The following TMEM232 variants were observed in gnomAD, a reference collection of about 807,000 sequenced individuals.
TMEM232 encodes the protein transmembrane protein 232.
In TMEM232, 80 loss-of-function variants were observed where a neutral mutation model predicts 78.8. The observed-to-expected ratio is 1.01, with a 90% CI of 0.85 to 1.22. The LOEUF (loss-of-function observed/expected upper bound fraction) is 1.22, where lower values mean the gene tolerates loss of function less well. Among genes scored for constraint, TMEM232 ranks in the 50% most tolerant of loss-of-function variants. The probability of loss-of-function intolerance (pLI) is 0.00; values close to 1 mark genes in which losing one functional copy is unlikely to be tolerated. For missense variants in TMEM232, 881 were observed against 742.2 expected, an observed-to-expected ratio of 1.19 and a Z score of -2.17; for synonymous variants, 297 against 254.3, an observed-to-expected ratio of 1.17 and a Z score of -1.60.
chr5:110,594,573 C>G (rs1182555752), intron 10 of TMEM232, among the ~76,000 whole-genome samples: 2 of 152,162 alleles, frequency 1.3e-5, no homozygotes, highest in Non-Finnish European at 2.9e-5. Flanking sequence ...ATTCTTGCTG[C>G]CAGCACAGCA....
At chr5:110,463,372 C>G (rs1330553774) in intron 12 of TMEM232, among the ~76,000 whole-genome samples, 1 of 152,136 alleles carries the variant, frequency 6.6e-6, no homozygotes, top group Non-Finnish European at 1.5e-5. Flanking sequence ...GCTTCATAGA[C>G]TACAGTATAG....
At chr5:110,518,368 C>A (rs1769001872) in intron 12 of TMEM232, among the ~76,000 whole-genome samples, 1 of 152,132 alleles carries the variant, frequency 6.6e-6, no homozygotes, top group African/African-American at 2.4e-5. Flanking sequence ...TGGCTCCAGA[C>A]AAATTATTCT....
chr5:110,469,042 A>G (rs887600752), intron 12 of TMEM232, among the ~76,000 whole-genome samples: 2 of 152,204 alleles, frequency 1.3e-5, no homozygotes, highest in Non-Finnish European at 2.9e-5. Flanking sequence ...GGATCCCAGC[A>G]GCCCCAATCA....
intron 1 of TMEM232, among the ~76,000 whole-genome samples, chr5:110,694,485 C>T (rs911691462): frequency 9.2e-5 from 14 of 152,056 alleles, no homozygotes; most frequent in Non-Finnish European, 1.5e-4. Flanking sequence ...GGGCTAAATG[C>T]TACAATTAAA....
At chr5:110,466,006 C>A (rs1255033060) in intron 12 of TMEM232, among the ~76,000 whole-genome samples, 1 of 151,892 alleles carries the variant, frequency 6.6e-6, no homozygotes, top group Non-Finnish European at 1.5e-5. Context: ...TCATGAGCAA[C>A]TGAAAATAGC....
intron 12 of TMEM232, among the ~76,000 whole-genome samples, chr5:110,473,474 T>C (rs1762895775): frequency 6.6e-6 from 1 of 151,870 alleles, no homozygotes; most frequent in Non-Finnish European, 1.5e-5. Flanking sequence ...TTATGCACTG[T>C]TGGTAGGAAT....
intron 12 of TMEM232, among the ~76,000 whole-genome samples, chr5:110,472,997 T>C (rs965823570): frequency 3.3e-5 from 5 of 151,000 alleles, no homozygotes; most frequent in African/African-American, 1.2e-4. Context: ...GTAAATGCTA[T>C]ATAATATTGG....
chr5:110,604,297 A>C (rs1212157990), intron 10 of TMEM232, among the ~76,000 whole-genome samples: 1 of 152,190 alleles, frequency 6.6e-6, no homozygotes, highest in East Asian at 1.9e-4. Context: ...TGGAAAAATC[A>C]AAATGTTTTA....
intron 11 of TMEM232, among the ~76,000 whole-genome samples, chr5:110,533,741 T>C (rs1771900772): frequency 6.6e-6 from 1 of 152,174 alleles, no homozygotes; most frequent in Admixed American, 6.5e-5. Flanking sequence ...TGCATCTCTC[T>C]GATCTCCTGA....
At chr5:110,502,153 G>A (rs1766334610) in intron 12 of TMEM232, among the ~76,000 whole-genome samples, 1 of 152,122 alleles carries the variant, frequency 6.6e-6, no homozygotes, top group African/African-American at 2.4e-5. Context: ...TAGGAATGTT[G>A]TAATTTAAAA....
At chr5:110,391,813 A>G (rs1172207191) in intron 3 of TMEM232, among the ~76,000 whole-genome samples, 1 of 152,220 alleles carries the variant, frequency 6.6e-6, no homozygotes, top group Non-Finnish European at 1.5e-5. Flanking sequence ...CTCCACTTGT[A>G]AAAACAGAAG....
At chr5:110,483,847 G>T (rs902167350) in intron 12 of TMEM232, among the ~76,000 whole-genome samples, 2 of 152,048 alleles carry the variant, frequency 1.3e-5, no homozygotes, top group African/African-American at 2.4e-5. Context: ...CTACCAAAAA[G>T]ACACATGCAC....
intron 1 of TMEM232, among the ~76,000 whole-genome samples, chr5:110,700,829 T>TAG (rs1795364688): frequency 8.6e-6 from 1 of 116,244 alleles, no homozygotes; most frequent in Non-Finnish European, 1.9e-5. Flanking sequence ...TAGATAGATA[T>TAG]AATAGAGAAC....
intron 10 of TMEM232, among the ~76,000 whole-genome samples, chr5:110,602,536 GA>G (rs1307822438): frequency 1.3e-5 from 2 of 152,118 alleles, no homozygotes; most frequent in Non-Finnish European, 2.9e-5. Flanking sequence ...ACAAGCATAT[GA>G]AAAAAAGCTC....
chr5:110,550,623 T>G (rs1774336546), intron 11 of TMEM232, among the ~76,000 whole-genome samples: 1 of 151,848 alleles, frequency 6.6e-6, no homozygotes, highest in African/African-American at 2.4e-5. Context: ...GATATATATT[T>G]TATAATAAAA....
chr5:110,627,021 G>T (rs1438105950), intron 6 of TMEM232, among the ~76,000 whole-genome samples: 2 of 151,990 alleles, frequency 1.3e-5, no homozygotes, highest in African/African-American at 4.8e-5. Context: ...TCCCAGGCAG[G>T]CTTCACTTAT....
At chr5:110,582,593 AG>A (rs1366321996) in intron 10 of TMEM232, among the ~76,000 whole-genome samples, 3 of 151,904 alleles carry the variant, frequency 2.0e-5, no homozygotes, top group African/African-American at 7.2e-5. Flanking sequence ...TACCTGTACC[AG>A]GAACAAGCCA....
chr5:110,452,764 GAAGTA>G (rs756770349), intron 12 of TMEM232, among the ~76,000 whole-genome samples: 34 of 152,286 alleles, frequency 2.2e-4, no homozygotes, highest in Non-Finnish European at 4.7e-4. Flanking sequence ...AGTGAGTTTA[GAAGTA>G]AAGACATTAT....
At chr5:110,698,450 A>G (rs1163425879) in intron 1 of TMEM232, among the ~76,000 whole-genome samples, 1 of 152,118 alleles carries the variant, frequency 6.6e-6, no homozygotes, top group Non-Finnish European at 1.5e-5. Context: ...AAATTAAAAA[A>G]AAATGTCTTT....
Sources: allele counts gnomAD v4.1 joint callset (sites outside exome capture counted in the v4.1 genomes callset), GRCh38; gene constraint gnomAD v4.1.1; transcripts MANE v1.5; gene names NCBI Gene and HGNC (gene_info 2026-07-23, HGNC 2026-07-21).